UBE3A: variants seen among roughly 807,000 people sequenced by gnomAD.
The protein encoded by UBE3A is ubiquitin-protein ligase E3A.
A neutral mutation model predicts 83.4 loss-of-function variants in UBE3A; 6 were observed. That is an observed-to-expected ratio of 0.07 (90% confidence interval 0.04 to 0.14). The LOEUF is 0.14. Among genes scored for constraint, UBE3A ranks in the 10% least tolerant of loss-of-function variants. UBE3A has a pLI of 1.00. For synonymous variants in UBE3A, 337 were observed against 355.4 expected (o/e 0.95, Z 0.58); for missense variants, 456 against 1,036.1 (o/e 0.44, Z 7.69).
At chr15:25,390,378 A>G (rs2084067403) in intron 4 of UBE3A, among the ~76,000 whole-genome samples, 1 of 152,206 alleles carries the variant, frequency 6.6e-6, no homozygotes, top group African/African-American at 2.4e-5. Flanking sequence ...TAATTAGCAA[A>G]ATGTGGAAGC....
At chr15:25,360,964 T>G (rs556107370) in intron 6 of UBE3A, among the ~76,000 whole-genome samples, 1 of 152,204 alleles carries the variant, frequency 6.6e-6, no homozygotes, top group East Asian at 1.9e-4. Flanking sequence ...AAGTCATAAG[T>G]AAAATATTTC....
At position 25,364,645 on chromosome 15, in the gene UBE3A, G is replaced by GTT. The variant is rs759514427; in HGVS notation, c.1609-4120_1609-4119dup. ...TGGATTTTTAGGGTTTTTTTTGTTTGTTTTTTTTTTTTTTTTGAGACGGAG... is the reference window on the plus strand; with the variant it reads ...TGGATTTTTAGGGTTTTTTTTGTTTGTTTTTTTTTTTTTTTTTTGAGACGGAG... On this transcript the variant is annotated intron_variant, in intron 6 of 12. Coordinates refer to ENST00000648336, the MANE Select transcript of UBE3A (RefSeq NM_130839.5). Among the ~76,000 whole-genome samples the GTT allele has an allele frequency of 2.2e-3, 212 of 97,636 alleles. 3 individuals are homozygous for GTT. Among genetic ancestry groups the GTT allele is most frequent in the African/African-American group, 5.9e-3 (172 of 29,168 alleles). 64.1% of individuals were successfully genotyped at this position (97,636 alleles called of 152,430 possible). A position where few individuals can be genotyped will look rare whatever the true frequency, so the allele number is the denominator to read the frequency against.
intron 4 of UBE3A, among the ~76,000 whole-genome samples, chr15:25,395,184 G>A (rs556940974): frequency 4.0e-4 from 61 of 152,218 alleles, no homozygotes; most frequent in African/African-American, 1.4e-3. Context: ...GAGCAAGTGC[G>A]GTAGAGAGAT....
At chr15:25,411,618 A>G (rs970757428) in intron 2 of UBE3A, among the ~76,000 whole-genome samples, 15 of 150,830 alleles carry the variant, frequency 9.9e-5, no homozygotes, top group African/African-American at 2.7e-4. Flanking sequence ...AGCAGCAGCA[A>G]CAACAACAAC....
chr15:25,407,023 C>T (rs1181758681), intron 3 of UBE3A: 5 of 1,292,986 alleles, frequency 3.9e-6, no homozygotes, highest in Non-Finnish European at 5.1e-6. Flanking sequence ...AATTTCACTC[C>T]ACCCTCTCCC....
chr15:25,349,914 C>T (rs59779980), intron 11 of UBE3A, among the ~76,000 whole-genome samples: 18,269 of 152,096 alleles, frequency 0.12, 1,444 homozygotes, highest in East Asian at 0.43. Flanking sequence ...AATTCATGCC[C>T]TGGGTGGAAA....
chr15:25,356,625 T>A (rs2077252153), intron 8 of UBE3A, 66 bp downstream of exon 8: 6 of 1,484,690 alleles, frequency 4.0e-6, no homozygotes, highest in Non-Finnish European at 5.6e-6. Context: ...AATTTTGACA[T>A]AAATTAAATT....
At chr15:25,435,472 C>T (rs1380707504) in intron 1 of UBE3A, among the ~76,000 whole-genome samples, 1 of 152,116 alleles carries the variant, frequency 6.6e-6, no homozygotes, top group Admixed American at 6.5e-5. Flanking sequence ...GAAAGCCTAA[C>T]CTCCAAGGTG....
intron 1 of UBE3A, among the ~76,000 whole-genome samples, chr15:25,434,937 T>C: frequency 6.6e-6 from 1 of 150,760 alleles, no homozygotes; most frequent in African/African-American, 2.5e-5. Context: ...TGAAGACAAC[T>C]GCCGGAGTAA....
intron 4 of UBE3A, among the ~76,000 whole-genome samples, chr15:25,379,664 C>G (rs778975272): frequency 6.6e-6 from 1 of 152,136 alleles, no homozygotes; most frequent in Non-Finnish European, 1.5e-5. Flanking sequence ...AGGGCCTCTA[C>G]GTTGGAAAAG....
rs1341247551 is a variant in UBE3A at position 25,338,086 on chromosome 15, G to T, written c.*1051C>A. 1 of 152,102 alleles carries T rather than the reference G, an allele frequency of 6.6e-6. No homozygotes were observed. The highest frequency in any genetic ancestry group is 6.6e-5 in the Admixed American group (1 of 15,262). The allele number at this position is 152,102 out of a possible 1,614,324, so 9.4% of individuals were successfully genotyped here. A position where few individuals can be genotyped will look rare whatever the true frequency, so the allele number is the denominator to read the frequency against. Reference sequence around the variant, plus strand: ...CATTATGTTGCAACACTGATCACGTGCCTCGATAAAATGGCTGATTCAACA... The same window carrying T: ...CATTATGTTGCAACACTGATCACGTTCCTCGATAAAATGGCTGATTCAACA... On this transcript the variant is annotated 3_prime_UTR_variant, in exon 13 of 13. Transcript: ENST00000648336.
rs1311491781 is a variant in UBE3A at position 25,427,631 on chromosome 15, A to AAAAAC, written c.-165+10857_-165+10858insGTTTT. On this transcript the variant is annotated intron_variant, in intron 1 of 12. Coordinates refer to ENST00000648336, the MANE Select transcript of UBE3A (RefSeq NM_130839.5). The stretch of plus-strand genomic sequence containing the variant: ...AAAAAAAAAAAAAAAAAAAAAAAAA[A>AAAAAC]CCCACAAAACTTAGCAGGGCCTGGA... 8.8e-4 allele frequency among the ~76,000 whole-genome samples: 101 copies of AAAAAC among 115,326 alleles called. 2 individuals are homozygous for AAAAAC. The highest frequency in any genetic ancestry group is 2.6e-3 in the South Asian group (8 of 3,082). The allele number at this position is 115,326 out of a possible 152,430, so 75.7% of individuals were successfully genotyped here.
intron 4 of UBE3A, among the ~76,000 whole-genome samples, chr15:25,377,305 C>A (rs958049208): frequency 5.3e-5 from 8 of 152,076 alleles, no homozygotes; most frequent in African/African-American, 1.9e-4. Context: ...CATTCTGGTG[C>A]TTATTTTTCA....
chr15:25,432,719 C>T (rs1470649346), intron 1 of UBE3A, among the ~76,000 whole-genome samples: 3 of 152,148 alleles, frequency 2.0e-5, no homozygotes, highest in Middle Eastern at 3.2e-3. Context: ...TGTTAAGAGT[C>T]ACAGCATTAG....
chr15:25,408,255 G>C (rs757387215), intron 3 of UBE3A: 9 of 300,292 alleles, frequency 3.0e-5, no homozygotes, highest in African/African-American at 6.6e-5. Context: ...ATACCACCTA[G>C]CAACAGTTCC....
intron 11 of UBE3A, among the ~76,000 whole-genome samples, chr15:25,342,387 G>A (rs2074989696): frequency 6.6e-6 from 1 of 151,906 alleles, no homozygotes; most frequent in Non-Finnish European, 1.5e-5. Flanking sequence ...ATATTATTAC[G>A]GAGCTGTTTC....
chr15:25,391,892 G>C (rs1413427139), intron 4 of UBE3A: 1 of 152,168 alleles, frequency 6.6e-6, no homozygotes, highest in Non-Finnish European at 1.5e-5. Context: ...CATTACTGTA[G>C]ATAAAAACGG....
Position 25,354,581 on chromosome 15 carries a change from A to G in UBE3A, c.2227T>C (p.Leu743=). The G allele has an allele frequency of 6.2e-7, 1 of 1,613,942 alleles. No homozygotes were observed. The highest frequency in any genetic ancestry group is 8.5e-7 in the Non-Finnish European group (1 of 1,179,948). ...TCTTCTGGTCTGAATAAGTACTTTA[A>G]GGGAGATTCATTGGTCACCATATGA... ...GFHMVTNESP[L]KYLFRPEEIE... is the part of the protein sequence containing the mutation. The change falls in exon 10 of 13, where the codon TTA becomes CTA. Residue 743 remains leucine (L), a synonymous_variant. Coordinates refer to ENST00000648336, the MANE Select transcript of UBE3A (RefSeq NM_130839.5).
chr15:25,383,509 C>T (rs965247044), intron 4 of UBE3A, among the ~76,000 whole-genome samples: 3 of 151,884 alleles, frequency 2.0e-5, no homozygotes, highest in African/African-American at 4.8e-5. Context: ...TGGTGGTGGG[C>T]GCCTGTAATT....
Sources: allele counts gnomAD v4.1 joint callset (sites outside exome capture counted in the v4.1 genomes callset), GRCh38; gene constraint gnomAD v4.1.1; transcripts MANE v1.5; gene names NCBI Gene and HGNC (gene_info 2026-07-23, HGNC 2026-07-21).